The following RALYL variants were observed in gnomAD, a reference collection of about 807,000 sequenced individuals.
The protein encoded by RALYL is RALY RNA binding protein like.
Under a neutral mutation model 35.1 loss-of-function variants are expected in RALYL, and 29 were observed. The observed-to-expected ratio is 0.83, with a 90% CI of 0.61 to 1.13. The LOEUF is 1.13. RALYL is among the 50% of genes most tolerant of loss of function. RALYL has a pLI of 0.00. For missense variants in RALYL, 359 were observed against 360.4 expected (o/e 1.00, Z 0.03); for synonymous variants, 120 against 127.6 (o/e 0.94, Z 0.40).
At chr8:84,419,778 T>A (rs2045260133) in intron 1 of RALYL, among the ~76,000 whole-genome samples, 1 of 146,706 alleles carries the variant, frequency 6.8e-6, no homozygotes, top group African/African-American at 2.6e-5. Context: ...TTCCCACCTA[T>A]GAGTGAGAAT....
Position 84,738,667 on chromosome 8 carries a change from T to C in RALYL, c.257-35912T>C, listed in dbSNP as rs568154735. 2.6e-5 allele frequency among the ~76,000 whole-genome samples: 4 copies of C among 152,154 alleles called. No individual in the cohort carries two copies. In the East Asian group the frequency reaches 7.7e-4, roughly 29 times the overall value. On this transcript the variant is annotated intron_variant, in intron 2 of 8. Coordinates refer to ENST00000521268, the MANE Select transcript of RALYL (RefSeq NM_173848.7). ...TCAACATGAGCATCATAGATAACAA[T>C]ACAATGTTATTTTATACTAATTGGG...
At chr8:84,788,558 C>G (rs191094762) in intron 3 of RALYL, among the ~76,000 whole-genome samples, 165 of 152,258 alleles carry the variant, frequency 1.1e-3, no homozygotes, top group African/African-American at 3.9e-3. Flanking sequence ...TAAGCAAAGC[C>G]AGTGAAACAC....
At chr8:84,752,983 C>G (rs1033746604) in intron 2 of RALYL, among the ~76,000 whole-genome samples, 3 of 152,092 alleles carry the variant, frequency 2.0e-5, no homozygotes, top group African/African-American at 7.2e-5. Context: ...CTCCAGCCCC[C>G]AGAATGGTAG....
At chr8:84,758,417 T>C (rs1409226580) in intron 2 of RALYL, among the ~76,000 whole-genome samples, 1 of 152,180 alleles carries the variant, frequency 6.6e-6, no homozygotes, top group African/African-American at 2.4e-5. Context: ...ACAACAAACA[T>C]TTATTATTTC....
intron 1 of RALYL, among the ~76,000 whole-genome samples, chr8:84,430,756 A>T (rs2047058189): frequency 6.6e-6 from 1 of 152,118 alleles, no homozygotes; most frequent in African/African-American, 2.4e-5. Flanking sequence ...GAATATATGA[A>T]TAAAAATATG....
intron 2 of RALYL, among the ~76,000 whole-genome samples, chr8:84,755,520 C>T (rs1014694081): frequency 1.3e-5 from 2 of 152,116 alleles, no homozygotes; most frequent in Non-Finnish European, 2.9e-5. Flanking sequence ...AGTCCTGTGA[C>T]ATCACATAAA....
chr8:84,326,603 CAATA>C (rs1485248139), intron 1 of RALYL, among the ~76,000 whole-genome samples: 1 of 151,962 alleles, frequency 6.6e-6, no homozygotes, highest in African/African-American at 2.4e-5. Context: ...TATACCAGCC[CAATA>C]AATACATACG....
intron 1 of RALYL, among the ~76,000 whole-genome samples, chr8:84,361,979 C>T (rs896579624): frequency 2.0e-5 from 3 of 152,086 alleles, no homozygotes; most frequent in East Asian, 1.9e-4. Flanking sequence ...CTGTAAAATT[C>T]CCATAATAAT....
chr8:84,409,276 C>T (rs2043864972), intron 1 of RALYL, among the ~76,000 whole-genome samples: 1 of 151,954 alleles, frequency 6.6e-6, no homozygotes, highest in African/African-American at 2.4e-5. Flanking sequence ...CAAAATTACT[C>T]AAATATTGTA....
intron 1 of RALYL, among the ~76,000 whole-genome samples, chr8:84,366,093 T>C (rs1373067569): frequency 6.6e-6 from 1 of 152,204 alleles, no homozygotes; most frequent in African/African-American, 2.4e-5. Context: ...GTTTATGCTC[T>C]GTTGTCTGGT....
chr8:84,566,539 A>T (rs1389308118), intron 2 of RALYL, among the ~76,000 whole-genome samples: 1 of 151,526 alleles, frequency 6.6e-6, no homozygotes, highest in African/African-American at 2.4e-5. Context: ...TTCTTTGAAC[A>T]TTTTATTCAT....
chr8:84,605,967 C>G (rs1482936348), intron 2 of RALYL, among the ~76,000 whole-genome samples: 1 of 152,094 alleles, frequency 6.6e-6, no homozygotes, highest in African/African-American at 2.4e-5. Flanking sequence ...CATTAATCTG[C>G]ACACATTCCC....
intron 1 of RALYL, among the ~76,000 whole-genome samples, chr8:84,278,134 A>C (rs1489479781): frequency 6.6e-6 from 1 of 152,244 alleles, no homozygotes; most frequent in Non-Finnish European, 1.5e-5. Context: ...AGGAGTTTCC[A>C]TACATCCTCT....
At chr8:84,414,755 T>A (rs2044461799) in intron 1 of RALYL, among the ~76,000 whole-genome samples, 1 of 152,206 alleles carries the variant, frequency 6.6e-6, no homozygotes, top group African/African-American at 2.4e-5. Context: ...TTGCTGGTGC[T>A]TATACTTTAT....
chr8:84,305,483 A>G (rs1257768040), intron 1 of RALYL, among the ~76,000 whole-genome samples: 1 of 152,218 alleles, frequency 6.6e-6, no homozygotes, highest in East Asian at 1.9e-4. Flanking sequence ...AAAAATTTGT[A>G]TAGATTTAAT....
chr8:84,915,797 T>A (rs769260660), intron 8 of RALYL, among the ~76,000 whole-genome samples: 14 of 152,036 alleles, frequency 9.2e-5, no homozygotes, highest in Non-Finnish European at 1.8e-4. Flanking sequence ...ACTAAAAAAA[T>A]TATTCCTGTA....
At chr8:84,235,767 C>CTT (rs556495836) in intron 1 of RALYL, among the ~76,000 whole-genome samples, 1,899 of 126,880 alleles carry the variant, frequency 0.015, 22 homozygotes, top group South Asian at 0.025. Context: ...TTTTCTTTTT[C>CTT]TTTTTTTTTT....
intron 2 of RALYL, among the ~76,000 whole-genome samples, chr8:84,656,866 T>C (rs1390472982): frequency 1.3e-5 from 2 of 152,136 alleles, no homozygotes; most frequent in African/African-American, 2.4e-5. Context: ...CAAAGTAGCC[T>C]GGAAATTTTC....
intron 1 of RALYL, among the ~76,000 whole-genome samples, chr8:84,227,958 C>G (rs1179109497): frequency 2.0e-5 from 3 of 151,956 alleles, no homozygotes; most frequent in African/African-American, 7.2e-5. Flanking sequence ...CTTCCTAGAT[C>G]ATAGAGAAGG....
Sources: gnomAD v4.1 joint callset for allele counts (sites outside exome capture counted in the v4.1 genomes callset) on GRCh38, gnomAD v4.1.1 for gene constraint, MANE v1.5 for transcripts, NCBI Gene and HGNC (gene_info 2026-07-23, HGNC 2026-07-21) for gene names.